LAMA3: variants seen among roughly 807,000 people sequenced by gnomAD.
The protein encoded by LAMA3 is laminin subunit alpha-3.
In LAMA3, 281 loss-of-function variants were observed where a neutral mutation model predicts 402.0. The ratio of observed to expected loss-of-function variants is 0.70; its 90% CI spans 0.63 to 0.77. LAMA3 has a LOEUF of 0.77. Among genes scored for constraint, LAMA3 ranks in the 30% least tolerant of loss-of-function variants. The probability of loss-of-function intolerance (pLI) is 0.00; values close to 1 mark genes in which losing one functional copy is unlikely to be tolerated. For synonymous variants in LAMA3, 1,431 were observed against 1,558.4 expected, an observed-to-expected ratio of 0.92 and a Z score of 1.93; for missense variants, 3,840 against 4,215.5, an observed-to-expected ratio of 0.91 and a Z score of 2.47.
intron 32 of LAMA3, among the ~76,000 whole-genome samples, chr18:23,848,978 C>A (rs377375476): frequency 6.6e-6 from 1 of 152,138 alleles, no homozygotes; most frequent in Admixed American, 6.6e-5. Context: ...CTTCCTGTGG[C>A]GTTTCCCTCT....
chr18:23,767,573 C>CTT (rs2062100845), intron 8 of LAMA3, among the ~76,000 whole-genome samples: 1 of 97,844 alleles, frequency 1.0e-5, no homozygotes. Context: ...TTTTTTCTTT[C>CTT]TTTTCTTTTT....
At chr18:23,864,760 A>G (rs1464412041) in intron 35 of LAMA3, 25 bp from the exon 36 acceptor site, 3 of 1,383,498 alleles carry the variant, frequency 2.2e-6, no homozygotes, top group Non-Finnish European at 3.1e-6. Context: ...TGCTTGTGCT[A>G]TTGATGCTAT....
chr18:23,754,602 T>G (rs1334665825), intron 6 of LAMA3, among the ~76,000 whole-genome samples: 2 of 152,232 alleles, frequency 1.3e-5, no homozygotes, highest in Non-Finnish European at 2.9e-5. Flanking sequence ...CTTGGGGTGC[T>G]TCCACCTTTT....
chr18:23,712,966 C>T (rs553082483), intron 1 of LAMA3, among the ~76,000 whole-genome samples: 3 of 151,812 alleles, frequency 2.0e-5, no homozygotes, highest in Admixed American at 6.6e-5. Flanking sequence ...AAAATACATT[C>T]GACATAGAAG....
chr18:23,921,376 A>G lies in LAMA3; in HGVS notation c.8044-76A>G, dbSNP rs1405344094. ...AATCTGGGGGAAGATAAATAAAAAC[A>G]TGATAGTTCTGAACCCCTGTGAATA... On this transcript the variant is annotated intron_variant, in intron 61 of 74. Transcript: ENST00000313654. 10 of 1,479,196 alleles carry G rather than the reference A, an allele frequency of 6.8e-6. No individual in the cohort carries two copies. The African/African-American group carries it at 1.4e-4, about 21-fold the overall frequency. The allele number at this position is 1,479,196 out of a possible 1,614,324, so 91.6% of individuals were successfully genotyped here.
At chr18:23,698,308 G>A (rs953316805) in intron 1 of LAMA3, among the ~76,000 whole-genome samples, 10 of 148,384 alleles carry the variant, frequency 6.7e-5, no homozygotes, top group Admixed American at 7.0e-5. Context: ...CCGGGTTCAC[G>A]CCATTCTCCT....
At chr18:23,754,323 A>G (rs1434204280) in intron 6 of LAMA3, among the ~76,000 whole-genome samples, 1 of 151,952 alleles carries the variant, frequency 6.6e-6, no homozygotes, top group East Asian at 1.9e-4. Context: ...CCGTTAAACA[A>G]CTCCTTGTTT....
chr18:23,802,193 TG>T (rs2062877792), intron 12 of LAMA3, among the ~76,000 whole-genome samples: 1 of 152,242 alleles, frequency 6.6e-6, no homozygotes. Context: ...TCAGGTATAA[TG>T]CAAATATTCC....
chr18:23,824,406 C>T lies in LAMA3; in HGVS notation c.2429-17C>T. On this transcript the variant is annotated splice_polypyrimidine_tract_variant and intron_variant, in intron 20 of 74. Coordinates refer to ENST00000313654, the MANE Select transcript of LAMA3 (RefSeq NM_198129.4). ...TGATAGAAAAATGCCTTAAGCAGTT[C>T]TTTGTATTTCTGATAGGTGCTGCTC... The T allele has an allele frequency of 6.2e-7, 1 of 1,613,818 alleles. No individual in the cohort carries two copies. The highest frequency in any genetic ancestry group is 1.7e-5 in the Admixed American group (1 of 60,008).
In LAMA3 at chr18:23,697,884, G is replaced by A. The variant is rs1378145289; in HGVS notation, c.294+7907G>A. 5.3e-5 allele frequency among the ~76,000 whole-genome samples: 8 copies of A among 152,078 alleles called. No individual in the cohort carries two copies. In the South Asian group the frequency reaches 1.5e-3, roughly 28 times the overall value. ...GGAGGCTTAGAAGTCTAAGGCATGGGTATGGCTGGTTTCTGCTGAGGCCTC... is the reference window on the plus strand; with the variant it reads ...GGAGGCTTAGAAGTCTAAGGCATGGATATGGCTGGTTTCTGCTGAGGCCTC... On this transcript the variant is annotated intron_variant, in intron 1 of 74. Coordinates refer to ENST00000313654, the MANE Select transcript of LAMA3 (RefSeq NM_198129.4).
intron 62 of LAMA3, among the ~76,000 whole-genome samples, chr18:23,922,972 G>C (rs559769254): frequency 6.6e-6 from 1 of 152,322 alleles, no homozygotes; most frequent in East Asian, 1.9e-4. Flanking sequence ...ATAGGAGGAA[G>C]CTCAGGGTGC....
chr18:23,906,154 TTAAC>T (rs2081242476), intron 52 of LAMA3, among the ~76,000 whole-genome samples: 1 of 152,200 alleles, frequency 6.6e-6, no homozygotes, highest in East Asian at 1.9e-4. Context: ...ATGTACAAAA[TTAAC>T]TAGAGCCTTA....
intron 2 of LAMA3, among the ~76,000 whole-genome samples, chr18:23,746,440 G>C (rs976173333): frequency 1.3e-5 from 2 of 152,040 alleles, no homozygotes; most frequent in Admixed American, 1.3e-4. Flanking sequence ...TCTATGTGAG[G>C]CCAGATCTTC....
intron 67 of LAMA3, among the ~76,000 whole-genome samples, chr18:23,935,956 C>G (rs1319109817): frequency 2.0e-5 from 3 of 151,776 alleles, no homozygotes; most frequent in African/African-American, 7.3e-5. Flanking sequence ...CAAGCAGAAG[C>G]CCAAAGCTGG....
At chr18:23,946,108 T>C (rs2082700524) in intron 69 of LAMA3, 36 bp from the exon 70 acceptor site, 2 of 1,602,424 alleles carry the variant, frequency 1.2e-6, no homozygotes, top group South Asian at 1.1e-5. Context: ...TTGTCAAAGG[T>C]AAAAATACAA....
At chr18:23,819,316 G>A (rs2063236882) in intron 18 of LAMA3, among the ~76,000 whole-genome samples, 1 of 151,920 alleles carries the variant, frequency 6.6e-6, no homozygotes, top group Admixed American at 6.6e-5. Context: ...GAGAAAACAA[G>A]GCATAGAAGA....
At chr18:23,942,537 G>T (rs983037597) in intron 68 of LAMA3, among the ~76,000 whole-genome samples, 2 of 151,104 alleles carry the variant, frequency 1.3e-5, no homozygotes, top group African/African-American at 4.9e-5. Context: ...GATGTGCATA[G>T]AACATGTAAC....
chr18:23,898,583 T>A (rs2080957481), intron 44 of LAMA3, 155 bp from the exon 45 acceptor site: 1 of 650,528 alleles, frequency 1.5e-6, no homozygotes. Flanking sequence ...GAAAATAGAT[T>A]CCTTATGTAA....
intron 32 of LAMA3, among the ~76,000 whole-genome samples, chr18:23,855,336 G>A (rs570631046): frequency 6.6e-6 from 1 of 152,334 alleles, no homozygotes; most frequent in African/African-American, 2.4e-5. Context: ...CCCAGCCTAC[G>A]TCGGGCCATC....
Sources: allele counts gnomAD v4.1 joint callset (sites outside exome capture counted in the v4.1 genomes callset), GRCh38; gene constraint gnomAD v4.1.1; transcripts MANE v1.5; gene names NCBI Gene and HGNC (gene_info 2026-07-23, HGNC 2026-07-21).